DIP2C: variants seen among roughly 807,000 people sequenced by gnomAD.
DIP2C encodes DIP2 acetate--CoA ligase C (putative).
DIP2C carries 33 observed loss-of-function variants against 192.4 expected under a neutral mutation model. The observed-to-expected ratio is 0.17, with a 90% CI of 0.13 to 0.23. The LOEUF is 0.23. Ranked by LOEUF, DIP2C falls within the 10% of genes least tolerant of loss-of-function variation. The pLI, the probability that DIP2C is intolerant of heterozygous loss-of-function variation, is 1.00. For missense variants in DIP2C, 1,537 were observed against 2,110.1 expected (o/e 0.73, Z 5.32); for synonymous variants, 979 against 864.1 (o/e 1.13, Z -2.33).
At chr10:361,988 G>A (rs1163488981) in intron 22 of DIP2C, among the ~76,000 whole-genome samples, 1 of 151,684 alleles carries the variant, frequency 6.6e-6, no homozygotes, top group Admixed American at 6.6e-5. Context: ...GAGACCATGA[G>A]AACAGCCGTG....
chr10:325,866 C>T (rs1957248165), intron 31 of DIP2C, among the ~76,000 whole-genome samples: 1 of 151,984 alleles, frequency 6.6e-6, no homozygotes, highest in Non-Finnish European at 1.5e-5. Context: ...AAGACAGAAG[C>T]AAGGAACACC....
In DIP2C at chr10:362,579, A is replaced by T. The variant is rs1475385758; in HGVS notation, c.2705T>A (p.Phe902Tyr). Residue 902 changes from phenylalanine (F) to tyrosine (Y), a missense_variant, in exon 22 of 37, where the codon TTT (phenylalanine) becomes TAT (tyrosine). By Grantham distance (22) the Phe-to-Tyr change is conservative. Around this residue, in one of 4 missense-constraint regions of DIP2C, gnomAD observed 677 missense variants for 989.9 expected, o/e 0.68. Coordinates refer to ENST00000280886, the MANE Select transcript of DIP2C (RefSeq NM_014974.3). ...GCAGGGGTGCAGAGAGCCCTCCAGA[A>T]AAAGCTGTTTTGTTTCTGATAAATG... ...GIHLSETKQL[F>Y]LEGSLHPCNV... 1 of 1,614,166 alleles carries T rather than the reference A, an allele frequency of 6.2e-7. No individual in the cohort carries two copies. Among genetic ancestry groups the T allele is most frequent in the South Asian group, 1.1e-5 (1 of 91,080 alleles).
At chr10:280,047 G>C (rs930908492) in intron 36 of DIP2C, among the ~76,000 whole-genome samples, 2 of 151,682 alleles carry the variant, frequency 1.3e-5, no homozygotes, top group Non-Finnish European at 2.9e-5. Flanking sequence ...CTGGGCCAAA[G>C]TCTTCCTAGA....
At chr10:489,957 A>G (rs56151442) in intron 1 of DIP2C, among the ~76,000 whole-genome samples, 3 of 18,918 alleles carry the variant, frequency 1.6e-4, no homozygotes, top group Admixed American at 5.0e-4. Context: ...TGGCTCTGAC[A>G]GTGCCCGAGC....
intron 1 of DIP2C, among the ~76,000 whole-genome samples, chr10:539,974 T>C (rs1482874803): frequency 6.6e-6 from 1 of 152,186 alleles, no homozygotes; most frequent in African/African-American, 2.4e-5. Flanking sequence ...AACAAGATGA[T>C]CAAAAAAGCC....
chr10:296,488 C>T (rs1255550517), intron 32 of DIP2C, among the ~76,000 whole-genome samples: 3 of 152,138 alleles, frequency 2.0e-5, no homozygotes, highest in East Asian at 3.9e-4. Context: ...GGCAATTCCT[C>T]AAGGATCTAG....
chr10:500,909 C>T (rs1845183088), intron 1 of DIP2C, among the ~76,000 whole-genome samples: 1 of 152,136 alleles, frequency 6.6e-6, no homozygotes, highest in African/African-American at 2.4e-5. Flanking sequence ...GACAACCTTG[C>T]TGTGTAAAAT....
chr10:487,579 T>TG (rs1844113323), intron 1 of DIP2C, among the ~76,000 whole-genome samples: 4 of 127,112 alleles, frequency 3.1e-5, no homozygotes, highest in East Asian at 2.2e-4. Flanking sequence ...TTTTTTTTTT[T>TG]TTTTTTTTTT....
At chr10:658,987 CAT>C (rs965204028) in intron 1 of DIP2C, among the ~76,000 whole-genome samples, 1 of 152,140 alleles carries the variant, frequency 6.6e-6, no homozygotes, top group East Asian at 1.9e-4. Flanking sequence ...CGCACACACA[CAT>C]ACATGCAATA....
intron 1 of DIP2C, among the ~76,000 whole-genome samples, chr10:576,928 A>G (rs1165545729): frequency 1.3e-5 from 2 of 152,166 alleles, no homozygotes; most frequent in East Asian, 3.8e-4. Context: ...ATAAAAAAAA[A>G]AATAAGAGGG....
rs543386348 is a variant in DIP2C at position 471,519 on chromosome 10, C to T, written c.268+920G>A. ...ACAGAAGACAACAGTCACGACTTCACCTGCTTATCATGAAAGCTCCATGTG... is the reference window on the plus strand; with the variant it reads ...ACAGAAGACAACAGTCACGACTTCATCTGCTTATCATGAAAGCTCCATGTG... On this transcript the variant is annotated intron_variant, in intron 3 of 36. Coordinates refer to ENST00000280886, the MANE Select transcript of DIP2C (RefSeq NM_014974.3). 1.3e-4 allele frequency among the ~76,000 whole-genome samples: 20 copies of T among 152,222 alleles called. No homozygotes were observed. In the South Asian group the frequency reaches 2.9e-3, roughly 22 times the overall value.
intron 1 of DIP2C, among the ~76,000 whole-genome samples, chr10:672,299 A>G (rs1830691366): frequency 6.6e-6 from 1 of 152,002 alleles, no homozygotes; most frequent in Non-Finnish European, 1.5e-5. Flanking sequence ...CCACACACGC[A>G]CGCATGGAGA....
At chr10:353,809 GGT>G (rs1256327243) in intron 24 of DIP2C, among the ~76,000 whole-genome samples, 2 of 152,172 alleles carry the variant, frequency 1.3e-5, no homozygotes, top group African/African-American at 4.8e-5. Context: ...GGACACTTAT[GGT>G]GTGTGGAGTG....
At position 579,095 on chromosome 10, in the gene DIP2C, G is replaced by T. The variant is rs533550976; in HGVS notation, c.86-92565C>A. Among the ~76,000 whole-genome samples, 8 of 152,194 alleles carry T rather than the reference G, an allele frequency of 5.3e-5. No individual in the cohort carries two copies. The East Asian group carries it at 1.5e-3, about 29-fold the overall frequency. Reference sequence around the variant, plus strand: ...TGTGCATAGAGCATACACACATGCAGATCCATGTAGTGTAGGTACATAGGT... The same window carrying T: ...TGTGCATAGAGCATACACACATGCATATCCATGTAGTGTAGGTACATAGGT... On this transcript the variant is annotated intron_variant, in intron 1 of 36. Transcript: ENST00000280886.
intron 1 of DIP2C, chr10:662,680 G>A: frequency 1.8e-6 from 1 of 552,198 alleles, no homozygotes. Flanking sequence ...TTTTAAAATT[G>A]TTATCAAATT....
intron 1 of DIP2C, among the ~76,000 whole-genome samples, chr10:603,027 C>A (rs61832972): frequency 0.013 from 1,949 of 152,196 alleles, 12 homozygotes; most frequent in East Asian, 0.037. Flanking sequence ...ATCCACCCTA[C>A]GTCTTATAAA....
chr10:549,253 T>C (rs541055988), intron 1 of DIP2C, among the ~76,000 whole-genome samples: 2 of 152,186 alleles, frequency 1.3e-5, no homozygotes, highest in South Asian at 4.2e-4. Flanking sequence ...AGACCTTTTT[T>C]CCCCAATTGC....
intron 32 of DIP2C, among the ~76,000 whole-genome samples, chr10:300,893 A>G (rs540596218): frequency 6.6e-6 from 1 of 152,316 alleles, no homozygotes; most frequent in Non-Finnish European, 1.5e-5. Flanking sequence ...CAGCCGGGCA[A>G]CTCCTTCTCC....
chr10:476,349 A>G (rs1843030255), intron 2 of DIP2C, among the ~76,000 whole-genome samples: 1 of 152,080 alleles, frequency 6.6e-6, no homozygotes, highest in Non-Finnish European at 1.5e-5. Flanking sequence ...CGTGGCCCCA[A>G]TCCGTCTGGC....
Sources: allele counts gnomAD v4.1 joint callset (sites outside exome capture counted in the v4.1 genomes callset), GRCh38; gene constraint gnomAD v4.1.1; regional missense constraint gnomAD v4.1.1; transcripts MANE v1.5; gene names NCBI Gene and HGNC (gene_info 2026-07-23, HGNC 2026-07-21).